Variants in GET4 observed in about 807,000 individuals in gnomAD.
GET4 encodes the protein Golgi to ER traffic protein 4 homolog.
In GET4, 20 loss-of-function variants were observed where a neutral mutation model predicts 40.0. The observed-to-expected ratio is 0.50, with a 90% confidence interval of 0.35 to 0.73. The LOEUF (loss-of-function observed/expected upper bound fraction) is 0.73, where lower values mean the gene tolerates loss of function less well. Ranked by LOEUF, GET4 falls within the 30% of genes least tolerant of loss-of-function variation. The probability of loss-of-function intolerance (pLI) is 0.01; values close to 1 mark genes in which losing one functional copy is unlikely to be tolerated. For missense variants in GET4, 557 were observed against 454.0 expected (o/e 1.23, Z -2.06); for synonymous variants, 280 against 194.6 (o/e 1.44, Z -3.65).
At chr7:886,420 C>G in intron 2 of GET4, 149 bp from the exon 3 acceptor site, 1 of 656,598 alleles carries the variant, frequency 1.5e-6, no homozygotes, top group Non-Finnish European at 2.7e-6. Context: ...CTCTCTTTTT[C>G]GGCGGCATTG....
intron 1 of GET4, chr7:881,510 T>G (rs981625085): frequency 3.3e-5 from 5 of 152,262 alleles, no homozygotes; most frequent in Non-Finnish European, 1.5e-5. Flanking sequence ...CGTCCGCAGT[T>G]CCTTTTATCG....
chr7:877,460 C>G (rs1202127018), intron 1 of GET4, among the ~76,000 whole-genome samples: 1 of 105,060 alleles, frequency 9.5e-6, no homozygotes, highest in African/African-American at 3.9e-5. Context: ...CCCTGCCTCC[C>G]TCTGCCCCCC....
intron 1 of GET4, chr7:885,636 C>G (rs1844172408): frequency 5.7e-6 from 1 of 173,940 alleles, no homozygotes; most frequent in Non-Finnish European, 1.2e-5. Context: ...GTTACTGTCC[C>G]CCGTGGGACC....
chr7:893,620 T>C, intron 6 of GET4, 120 bp from the exon 7 acceptor site: 2 of 625,338 alleles, frequency 3.2e-6, no homozygotes, highest in African/African-American at 2.0e-5. Flanking sequence ...TGCAGGTGAG[T>C]GTTGGGCGCG....
intron 5 of GET4, among the ~76,000 whole-genome samples, chr7:891,762 G>A (rs934393286): frequency 3.3e-5 from 5 of 152,266 alleles, no homozygotes; most frequent in African/African-American, 9.6e-5. Context: ...AGGAGCTGGC[G>A]TCCGTGACTT....
intron 8 of GET4, 75 bp downstream of exon 8, chr7:894,046 TC>T: frequency 1.2e-6 from 1 of 837,504 alleles, no homozygotes; most frequent in Non-Finnish European, 1.8e-6. Flanking sequence ...CCCAGGCAGG[TC>T]CAGTGCGGTC....
At chr7:892,198 G>C in intron 5 of GET4, 80 bp from the exon 6 acceptor site, 1 of 1,458,922 alleles carries the variant, frequency 6.9e-7, no homozygotes, top group Non-Finnish European at 9.5e-7. Flanking sequence ...GCTTGGGAAG[G>C]ACATGTCGGA....
At chr7:893,018 G>A (rs1427220856) in intron 6 of GET4, among the ~76,000 whole-genome samples, 1 of 149,546 alleles carries the variant, frequency 6.7e-6, no homozygotes, top group Non-Finnish European at 1.5e-5. Flanking sequence ...GTTTGCAGGT[G>A]AGGGGTGTAG....
intron 4 of GET4, 40 bp from the exon 5 acceptor site, chr7:890,888 T>A (rs1156852916): frequency 6.7e-7 from 1 of 1,487,924 alleles, no homozygotes; most frequent in Admixed American, 1.7e-5. Flanking sequence ...TGTGTTATAT[T>A]CGTGAAATGT....
At chr7:884,227 C>T in intron 1 of GET4, 1 of 1,304,070 alleles carries the variant, frequency 7.7e-7, no homozygotes, top group Non-Finnish European at 1.0e-6. Context: ...CGTGGCCCCA[C>T]TGGCGGCATC....
At chr7:878,466 C>G in intron 1 of GET4, 1 of 441,450 alleles carries the variant, frequency 2.3e-6, no homozygotes, top group Non-Finnish European at 4.7e-6. Context: ...GGGGTACCTT[C>G]TAAACTGCCA....
At chr7:883,600 A>G in intron 1 of GET4, 2 of 985,404 alleles carry the variant, frequency 2.0e-6, no homozygotes, top group South Asian at 9.4e-5. Context: ...GTCAGCAGGC[A>G]GAAGCCATTT....
chr7:881,043 T>C (rs1442744824), intron 1 of GET4: 1 of 152,134 alleles, frequency 6.6e-6, no homozygotes, highest in East Asian at 1.9e-4. Flanking sequence ...TTTTGTATTT[T>C]TTGTAGAGAC....
chr7:887,154 G>GCGTC (rs143896584), intron 3 of GET4: 13,606 of 705,598 alleles, frequency 0.019, 560 homozygotes, highest in East Asian at 0.15. Context: ...CTCGGCCAGG[G>GCGTC]CGTCCGTCCT....
rs955402923 is a variant in GET4, at chr7:892,749, G to A, written c.746+331G>A. On this transcript the variant is annotated intron_variant, in intron 6 of 8. Transcript: ENST00000265857. The stretch of plus-strand genomic sequence containing the variant: ...TGCAGACGTCTGGGGGGTTGTGTGC[G>A]GGTGTTGGGTATCCATGTGGTGTGG... Among the ~76,000 whole-genome samples the A allele has an allele frequency of 1.1e-4, 17 of 150,960 alleles. 1 individual carries two copies. Among genetic ancestry groups the A allele is most frequent in the African/African-American group, 2.4e-5 (1 of 41,034 alleles).
intron 6 of GET4, 139 bp from the exon 7 acceptor site, chr7:893,601 C>CG: frequency 2.0e-6 from 1 of 497,104 alleles, no homozygotes; most frequent in Non-Finnish European, 3.5e-6. Context: ...TGGGCATGGG[C>CG]GCGGTGTGTG....
chr7:895,215 A>G (rs1208603893), intron 8 of GET4, 119 bp from the exon 9 acceptor site: 4 of 589,850 alleles, frequency 6.8e-6, no homozygotes, highest in Non-Finnish European at 9.4e-6. Flanking sequence ...TAGCGATGTG[A>G]GGCTTTTGCT....
chr7:885,792 C>T (rs571759480), intron 1 of GET4: 1 of 484,740 alleles, frequency 2.1e-6, no homozygotes, highest in East Asian at 3.6e-5. Context: ...GTGAGCTGCT[C>T]CAGGGTGAGG....
Position 878,862 on chromosome 7 carries a change from A to T in GET4, c.155+2062A>T, listed in dbSNP as rs574639633. On this transcript the variant is annotated intron_variant, in intron 1 of 8. Coordinates refer to ENST00000265857, the MANE Select transcript of GET4 (RefSeq NM_015949.3). ...CCAAAGTGCTGGGATTACAGGCGTG[A>T]GCCACGGCGCCCGGCCAGTAGACTT... Among the ~76,000 whole-genome samples the T allele has an allele frequency of 1.6e-3, 247 of 152,290 alleles. 2 individuals carry two copies. The highest frequency in any genetic ancestry group is 6.3e-4 in the Non-Finnish European group (43 of 68,032).
Sources: gnomAD v4.1 joint callset for allele counts (sites outside exome capture counted in the v4.1 genomes callset) on GRCh38, gnomAD v4.1.1 for gene constraint, MANE v1.5 for transcripts, NCBI Gene and HGNC (gene_info 2026-07-23, HGNC 2026-07-21) for gene names.